The following KIFC1 variants were observed in gnomAD, a reference collection of about 807,000 sequenced individuals.
KIFC1 encodes kinesin family member C1, also known as kinesin-like protein KIFC1.
KIFC1 carries 37 observed loss-of-function variants against 66.6 expected under a neutral mutation model. That is an observed-to-expected ratio of 0.56 (90% confidence interval 0.43 to 0.73). The LOEUF is 0.73. KIFC1 is among the 30% of genes least tolerant of loss of function. KIFC1 has a pLI of 0.00. For synonymous variants in KIFC1, 325 were observed against 343.5 expected, an observed-to-expected ratio of 0.95 and a Z score of 0.60; for missense variants, 721 against 859.8, an observed-to-expected ratio of 0.84 and a Z score of 2.02.
rs980117788 is a variant in KIFC1 at position 33,400,654 on chromosome 6, C to CT, written c.250+2277dup. 3,733 of 544,108 alleles carry CT rather than the reference C, an allele frequency of 6.9e-3. No individual in the cohort carries two copies. Among genetic ancestry groups the CT allele is most frequent in the Middle Eastern group, 0.012 (24 of 1,936 alleles). 33.7% of individuals were successfully genotyped at this position (544,108 alleles called of 1,614,324 possible). ...AGCCGAAAGCCGAGAGCTTCTCTCT[C>CT]TTTTTTTTTTGAGATGGAGTCTCGC... is the stretch of plus-strand genomic sequence containing the variant. On this transcript the variant is annotated intron_variant, in intron 3 of 10. Transcript: ENST00000428849. The surrounding 1 kb of genome is among the most constrained non-coding windows in gnomAD (Gnocchi z 4.3).
chr6:33,403,884 C>T lies in KIFC1; in HGVS notation c.511C>T (p.Leu171Phe). 1 of 1,614,214 alleles carries T rather than the reference C, an allele frequency of 6.2e-7. No homozygotes were observed. Among genetic ancestry groups the T allele is most frequent in the Non-Finnish European group, 8.5e-7 (1 of 1,180,044 alleles). ...DQENQQLQDQLRDAQQQVKAL... is the reference protein window; with the variant it reads ...DQENQQLQDQFRDAQQQVKAL... ...AGAGAACCAGCAGCTTCAGGACCAGCTCAGAGATGCCCAGCAGCAGGTCAA... is the reference window on the plus strand; with the variant it reads ...AGAGAACCAGCAGCTTCAGGACCAGTTCAGAGATGCCCAGCAGCAGGTCAA... Residue 171 changes from leucine (L) to phenylalanine (F), a missense_variant, in exon 6 of 11, where the codon CTC becomes TTC. Coordinates refer to ENST00000428849, the MANE Select transcript of KIFC1 (RefSeq NM_002263.4). This position sits in a 1 kb window ranked among gnomAD's most constrained non-coding sequence, Gnocchi z 4.6.
chr6:33,404,936 G>C lies in KIFC1; in HGVS notation c.841G>C (p.Ala281Pro). 1.2e-6 allele frequency: 2 copies of C among 1,614,150 alleles called. No homozygotes were observed. Among genetic ancestry groups the C allele is most frequent in the African/African-American group, 1.3e-5 (1 of 75,042 alleles). ...GCGGCAGGAGACTGTGGCCCAGGCA[G>C]CCTTACTGACTGAGCGGGAAGAACG... is the stretch of plus-strand genomic sequence containing the variant. ...SLRQETVAQA[A>P]LLTEREERLH... Residue 281 changes from alanine to proline, a missense_variant, in exon 7 of 11, where the codon GCC becomes CCC. Physicochemically the swap from Ala to Pro is conservative, Grantham distance 27. Coordinates refer to ENST00000428849, the MANE Select transcript of KIFC1 (RefSeq NM_002263.4). The surrounding 1 kb of genome is among the most constrained non-coding windows in gnomAD (Gnocchi z 4.0).
At position 33,400,315 on chromosome 6, in the gene KIFC1, A is replaced by G; in HGVS notation, c.250+1928A>G. On this transcript the variant is annotated intron_variant, in intron 3 of 10. Coordinates refer to ENST00000428849, the MANE Select transcript of KIFC1 (RefSeq NM_002263.4). This position sits in a 1 kb window ranked among gnomAD's most constrained non-coding sequence, Gnocchi z 4.3. ...TGGTGGTTTCTTGAGGGCTTTGATG[A>G]TCGGGGCAGAGGCAGAAGGCACCAC... The G allele has an allele frequency of 6.3e-7, 1 of 1,582,046 alleles. No individual in the cohort carries two copies. The highest frequency in any genetic ancestry group is 8.6e-7 in the Non-Finnish European group (1 of 1,165,050).
At position 33,401,984 on chromosome 6, in the gene KIFC1, C is replaced by T. The variant is rs1775397810; in HGVS notation, c.251-1330C>T. Reference sequence around the variant, plus strand: ...CCTCCCAAAGTGCTGGGATTACAGGCGTGAGCCACAGTGCCTGGCCTGGAA... The same window carrying T: ...CCTCCCAAAGTGCTGGGATTACAGGTGTGAGCCACAGTGCCTGGCCTGGAA... On this transcript the variant is annotated intron_variant, in intron 3 of 10. Transcript: ENST00000428849. The surrounding 1 kb of genome is among the most constrained non-coding windows in gnomAD (Gnocchi z 4.5). 1.3e-5 allele frequency among the ~76,000 whole-genome samples: 2 copies of T among 152,148 alleles called. No individual in the cohort carries two copies. The highest frequency in any genetic ancestry group is 2.4e-5 in the African/African-American group (1 of 41,432).
chr6:33,403,467 ACCT>A lies in KIFC1; in HGVS notation c.305-13_305-11del. 1 of 1,613,624 alleles carries A rather than the reference ACCT, an allele frequency of 6.2e-7. No homozygotes were observed. The highest frequency in any genetic ancestry group is 1.1e-5 in the South Asian group (1 of 91,068). The stretch of plus-strand genomic sequence containing the variant: ...ACACTGGTCCTGTAATTCCTAAGTC[ACCT>A]CCTCAATTCTGTAGGGTTGAAGAAC... On this transcript the variant is annotated splice_polypyrimidine_tract_variant and intron_variant, in intron 4 of 10. Transcript: ENST00000428849. This position sits in a 1 kb window ranked among gnomAD's most constrained non-coding sequence, Gnocchi z 4.6.
intron 10 of KIFC1, among the ~76,000 whole-genome samples, chr6:33,409,330 T>G (rs1775800117): frequency 6.6e-6 from 1 of 152,226 alleles, no homozygotes; most frequent in Admixed American, 6.5e-5. Context: ...ATTACTATTT[T>G]ATCTCGGTTT....
At chr6:33,397,463 A>G (rs1384393445) in intron 1 of KIFC1, among the ~76,000 whole-genome samples, 1 of 151,006 alleles carries the variant, frequency 6.6e-6, no homozygotes, top group Non-Finnish European at 1.5e-5. Flanking sequence ...ACACCCAGCT[A>G]ATTTTTGTAT....
Position 33,391,900 on chromosome 6 carries a change from C to A in KIFC1, c.-86C>A. On this transcript the variant is annotated 5_prime_UTR_variant, in exon 1 of 11. Transcript: ENST00000428849. The stretch of plus-strand genomic sequence containing the variant: ...CGAGTTCTCTACCCTGCTTCGCGAG[C>A]GGGCGAGAGAACGCGAGTCCCAGGA... 1.3e-6 allele frequency: 2 copies of A among 1,534,776 alleles called. No homozygotes were observed. Among genetic ancestry groups the A allele is most frequent in the Non-Finnish European group, 1.8e-6 (2 of 1,111,054 alleles).
chr6:33,396,987 C>T lies in KIFC1; in HGVS notation c.13-1042C>T, dbSNP rs867108919. The stretch of plus-strand genomic sequence containing the variant: ...ATAAGCCACCGCGCCTGGCCAAGTT[C>T]TTTTTTTTTTTTTTTTTTTTGAGAC... On this transcript the variant is annotated intron_variant, in intron 1 of 10. Coordinates refer to ENST00000428849, the MANE Select transcript of KIFC1 (RefSeq NM_002263.4). Among the ~76,000 whole-genome samples, 275 of 89,128 alleles carry T rather than the reference C, an allele frequency of 3.1e-3. 1 individual carries two copies. The highest frequency in any genetic ancestry group is 0.015 in the Middle Eastern group (1 of 66). The allele number at this position is 89,128 out of a possible 152,430, so 58.5% of individuals were successfully genotyped here.
upstream of KIFC1, chr6:33,391,802 T>G: frequency 4.2e-6 from 3 of 713,034 alleles, no homozygotes; most frequent in Non-Finnish European, 5.0e-6. Flanking sequence ...CAGAGCGCGG[T>G]GAGAGTGGGT....
rs1156586945 is a variant in KIFC1 at position 33,409,772 on chromosome 6, G to C, written c.*82G>C. The stretch of plus-strand genomic sequence containing the variant: ...GTGTGTGTCCCTATGTCTATGTATC[G>C]GGTGAGGGGTGGGAGGGTTGCTGGA... On this transcript the variant is annotated 3_prime_UTR_variant, in exon 11 of 11. Transcript: ENST00000428849. 1 of 1,394,028 alleles carries C rather than the reference G, an allele frequency of 7.2e-7. No individual in the cohort carries two copies. Among genetic ancestry groups the C allele is most frequent in the African/African-American group, 1.5e-5 (1 of 67,042 alleles). The allele number at this position is 1,394,028 out of a possible 1,614,324, so 86.4% of individuals were successfully genotyped here.
chr6:33,391,718 G>T, upstream of KIFC1: 10 of 598,010 alleles, frequency 1.7e-5, no homozygotes, highest in Non-Finnish European at 2.7e-5. Flanking sequence ...GTCGGGCGGG[G>T]TGTGGCTTCG....
chr6:33,406,385 T>C lies in KIFC1; in HGVS notation c.1726T>C (p.Leu576=), dbSNP rs768629132. The C allele has an allele frequency of 6.2e-7, 1 of 1,612,994 alleles. No individual in the cohort carries two copies. The highest frequency in any genetic ancestry group is 2.2e-5 in the East Asian group (1 of 44,854). ...CGGGAGTGAGCGACTTGACCCCGGCTTAGCCCTCGGCCCCGGGGAGCGGGA... is the reference window on the plus strand; with the variant it reads ...CGGGAGTGAGCGACTTGACCCCGGCCTAGCCCTCGGCCCCGGGGAGCGGGA... ...LAGSERLDPG[L]ALGPGERERL... The change falls in exon 8 of 11, where the codon TTA becomes CTA. Residue 576 remains leucine (L), a synonymous_variant. Transcript: ENST00000428849. This position sits in a 1 kb window ranked among gnomAD's most constrained non-coding sequence, Gnocchi z 4.5.
rs199721284 is a variant in KIFC1 at position 33,391,927 on chromosome 6, C to A, written c.-59C>A. ...GGCGAGAGAACGCGAGTCCCAGGAT[C>A]CCCGGCACCCAGTTCTCTTCCACTG... On this transcript the variant is annotated 5_prime_UTR_variant, in exon 1 of 11. Transcript: ENST00000428849. 19 of 1,607,728 alleles carry A rather than the reference C, an allele frequency of 1.2e-5. No homozygotes were observed. The East Asian group carries it at 3.8e-4, about 32-fold the overall frequency.
intron 1 of KIFC1, 127 bp downstream of exon 1, chr6:33,392,124 G>GC (rs1477310063): frequency 1.9e-6 from 2 of 1,073,886 alleles, no homozygotes; most frequent in Admixed American, 2.4e-5. Context: ...AGGTCCGTGC[G>GC]CCCCCGCACA....
In KIFC1 at chr6:33,403,277, A is replaced by G. The variant is rs776079989; in HGVS notation, c.251-37A>G. 4.4e-6 allele frequency: 7 copies of G among 1,585,976 alleles called. No individual in the cohort carries two copies. The East Asian group carries it at 1.1e-4, about 25-fold the overall frequency. ...AAGTGTACATGCCATCTTAAGAATGATCATTCTACCTTTGCTCTCTCCCAT... is the reference window on the plus strand; with the variant it reads ...AAGTGTACATGCCATCTTAAGAATGGTCATTCTACCTTTGCTCTCTCCCAT... On this transcript the variant is annotated intron_variant, in intron 3 of 10. Transcript: ENST00000428849. The surrounding 1 kb of genome is among the most constrained non-coding windows in gnomAD (Gnocchi z 4.6).
intron 3 of KIFC1, among the ~76,000 whole-genome samples, chr6:33,398,912 T>C (rs76507538): frequency 0.028 from 4,243 of 152,338 alleles, 193 homozygotes; most frequent in African/African-American, 0.095. Flanking sequence ...AGGGAAATTC[T>C]ATTGGTATTC....
At chr6:33,398,517 T>C (rs1331366817) in intron 3 of KIFC1, 130 bp downstream of exon 3, 1 of 734,412 alleles carries the variant, frequency 1.4e-6, no homozygotes. Context: ...CAGGCTGGAG[T>C]GCAGTGGCTC....
chr6:33,394,872 A>G (rs1311220390), intron 1 of KIFC1, among the ~76,000 whole-genome samples: 1 of 152,354 alleles, frequency 6.6e-6, no homozygotes, highest in African/African-American at 2.4e-5. Context: ...CAGCATATCA[A>G]TGATATTTAA....
Sources: gnomAD v4.1 joint callset for allele counts (sites outside exome capture counted in the v4.1 genomes callset) on GRCh38, gnomAD v4.1.1 for gene constraint, Gnocchi (gnomAD v3.1) non-coding constraint, MANE v1.5 for transcripts, NCBI Gene and HGNC (gene_info 2026-07-23, HGNC 2026-07-21) for gene names.